SRGAP3: variants seen among roughly 807,000 people sequenced by gnomAD.
SRGAP3 encodes the protein SLIT-ROBO Rho GTPase-activating protein 3.
Under a neutral mutation model 121.1 loss-of-function variants are expected in SRGAP3, and 39 were observed. That is an observed-to-expected ratio of 0.32 (90% CI 0.25 to 0.42). The LOEUF is 0.42. Among genes scored for constraint, SRGAP3 ranks in the 10% least tolerant of loss-of-function variants. The pLI is 1.00. For missense variants in SRGAP3, 1,213 were observed against 1,470.6 expected (o/e 0.82, Z 2.86); for synonymous variants, 601 against 570.0 (o/e 1.05, Z -0.77).
intron 18 of SRGAP3, chr3:9,007,180 G>C (rs1366209743): frequency 6.6e-6 from 1 of 152,002 alleles, no homozygotes; most frequent in Non-Finnish European, 1.5e-5. Flanking sequence ...ATGTTGCCCA[G>C]GCTGGTCTCG....
chr3:9,227,042 G>A (rs532044180), intron 1 of SRGAP3, among the ~76,000 whole-genome samples: 7 of 152,196 alleles, frequency 4.6e-5, no homozygotes, highest in African/African-American at 1.7e-4. Context: ...GAGCAAAGTG[G>A]GCCAGGTGGG....
intron 3 of SRGAP3, among the ~76,000 whole-genome samples, chr3:9,272,670 G>T (rs1954499853): frequency 1.3e-5 from 2 of 152,234 alleles, no homozygotes; most frequent in East Asian, 3.9e-4. Flanking sequence ...GGACACTTGA[G>T]TTGCTTTTAC....
At chr3:8,991,284 C>G (rs1018035558) in intron 20 of SRGAP3, among the ~76,000 whole-genome samples, 2 of 152,160 alleles carry the variant, frequency 1.3e-5, no homozygotes, top group African/African-American at 4.8e-5. Flanking sequence ...GTTACCAGCA[C>G]CCTGCAAGCA....
At chr3:8,994,897 T>C (rs542886212) in intron 18 of SRGAP3, among the ~76,000 whole-genome samples, 14 of 152,346 alleles carry the variant, frequency 9.2e-5, no homozygotes, top group African/African-American at 3.4e-4. Flanking sequence ...ACCCTTTTCC[T>C]CTTTGTCATT....
At chr3:9,229,539 C>T (rs1953123616) in intron 1 of SRGAP3, among the ~76,000 whole-genome samples, 2 of 152,192 alleles carry the variant, frequency 1.3e-5, no homozygotes, top group Admixed American at 1.3e-4. Flanking sequence ...TCAGCCACAG[C>T]TTTGAGATAA....
chr3:9,163,750 G>C (rs1253863792), intron 1 of SRGAP3, among the ~76,000 whole-genome samples: 2 of 152,114 alleles, frequency 1.3e-5, no homozygotes, highest in Non-Finnish European at 2.9e-5. Context: ...GGGCTGGGGT[G>C]AGTCAGAGAC....
intron 1 of SRGAP3, among the ~76,000 whole-genome samples, chr3:9,208,860 C>T (rs1421049487): frequency 6.6e-6 from 1 of 152,196 alleles, no homozygotes; most frequent in African/African-American, 2.4e-5. Context: ...TGCCTATCTC[C>T]AGCGTTATTG....
chr3:8,988,460 G>C (rs1574852119), intron 21 of SRGAP3, among the ~76,000 whole-genome samples: 1 of 152,110 alleles, frequency 6.6e-6, no homozygotes, highest in East Asian at 1.9e-4. Flanking sequence ...TTCCCTATTT[G>C]ACCTCTGTTA....
chr3:9,219,667 G>T (rs551778252), intron 1 of SRGAP3, among the ~76,000 whole-genome samples: 1 of 152,024 alleles, frequency 6.6e-6, no homozygotes, highest in Non-Finnish European at 1.5e-5. Flanking sequence ...TGGCTAGCAT[G>T]GTGAAACCCC....
At chr3:9,051,560 G>A (rs1346759343) in intron 9 of SRGAP3, among the ~76,000 whole-genome samples, 1 of 152,148 alleles carries the variant, frequency 6.6e-6, no homozygotes, top group Admixed American at 6.5e-5. Flanking sequence ...GCCTTAGGAA[G>A]AGTGAGGCCT....
intron 2 of SRGAP3, among the ~76,000 whole-genome samples, chr3:9,122,484 C>T (rs535089022): frequency 2.0e-5 from 3 of 151,826 alleles, no homozygotes; most frequent in East Asian, 1.9e-4. Context: ...CCGAGGCGGG[C>T]GGATCATGAG....
chr3:9,060,352 G>A lies in SRGAP3; in HGVS notation c.680C>T (p.Ala227Val), dbSNP rs754135746. Residue 227 changes from alanine to valine, a missense_variant, in exon 6 of 22, where the codon GCC (alanine) becomes GTC (valine). Around this residue, in one of 2 missense-constraint regions of SRGAP3, gnomAD observed 793 missense variants for 1,032.9 expected, o/e 0.77. Transcript: ENST00000383836. ...TTTCAGCTTGTTCTCAGAGTACTTG[G>A]CCTGCCTCTGGAAGAAGAAAAGAGT... ...KIEKMKEKRQ[A>V]KYSENKLKCT... 1.2e-6 allele frequency: 2 copies of A among 1,613,716 alleles called. No homozygotes were observed. The highest frequency in any genetic ancestry group is 3.3e-5 in the Admixed American group (2 of 59,998).
At chr3:9,200,407 T>C (rs1560403289) in intron 1 of SRGAP3, among the ~76,000 whole-genome samples, 2 of 152,056 alleles carry the variant, frequency 1.3e-5, no homozygotes, top group Non-Finnish European at 2.9e-5. Context: ...CTAGCACAAA[T>C]AGAAAGATGA....
At chr3:9,088,637 T>C (rs952609473) in intron 3 of SRGAP3, among the ~76,000 whole-genome samples, 2 of 152,162 alleles carry the variant, frequency 1.3e-5, no homozygotes, top group Non-Finnish European at 2.9e-5. Flanking sequence ...ACTCCCCCTC[T>C]CCTGCCCAAT....
chr3:9,122,731 G>A (rs1006045099), intron 2 of SRGAP3, among the ~76,000 whole-genome samples: 9 of 149,018 alleles, frequency 6.0e-5, no homozygotes, highest in African/African-American at 2.0e-4. Context: ...AAAAAAGGGA[G>A]AAGATAGGGT....
At chr3:9,281,682 T>C (rs919691329) in intron 3 of SRGAP3, among the ~76,000 whole-genome samples, 1 of 152,180 alleles carries the variant, frequency 6.6e-6, no homozygotes, top group African/African-American at 2.4e-5. Flanking sequence ...TTTGTTTGTT[T>C]GTTTGTTTGA....
At chr3:9,356,448 C>A (rs2030518794) in intron 1 of SRGAP3, among the ~76,000 whole-genome samples, 1 of 132,776 alleles carries the variant, frequency 7.5e-6, no homozygotes, top group Admixed American at 8.8e-5. Flanking sequence ...ACTGGGCTCA[C>A]TGAAAGTGCT....
intron 1 of SRGAP3, among the ~76,000 whole-genome samples, chr3:9,173,369 C>T (rs1416872558): frequency 1.3e-5 from 2 of 152,222 alleles, no homozygotes; most frequent in African/African-American, 4.8e-5. Context: ...CACTACCCTC[C>T]TTCAGGAGAG....
chr3:9,244,507 A>G (rs930866410), intron 1 of SRGAP3, among the ~76,000 whole-genome samples: 7 of 152,172 alleles, frequency 4.6e-5, no homozygotes, highest in African/African-American at 1.7e-4. Context: ...TGCAATGGAA[A>G]TAGGAACTCT....
Sources: gnomAD v4.1 joint callset for allele counts (sites outside exome capture counted in the v4.1 genomes callset) on GRCh38, gnomAD v4.1.1 for gene constraint, gnomAD v4.1.1 regional missense constraint, MANE v1.5 for transcripts, NCBI Gene and HGNC (gene_info 2026-07-23, HGNC 2026-07-21) for gene names.